GATD1: variants seen among roughly 807,000 people sequenced by gnomAD.
GATD1 encodes the protein glutamine amidotransferase class 1 domain containing 1.
GATD1 carries 23 observed loss-of-function variants against 25.9 expected under a neutral mutation model. The observed-to-expected ratio is 0.89, with a 90% CI of 0.64 to 1.26. The LOEUF (loss-of-function observed/expected upper bound fraction) is 1.26, where lower values mean the gene tolerates loss of function less well. Among genes scored for constraint, GATD1 ranks in the 50% most tolerant of loss-of-function variants. The pLI is 0.00. For synonymous variants in GATD1, 177 were observed against 134.6 expected (o/e 1.31, Z -2.18); for missense variants, 347 against 312.5 (o/e 1.11, Z -0.83).
chr11:775,976 C>CTTTTTTTTTTTTTT lies in GATD1; in HGVS notation c.65-848_65-835dup, dbSNP rs71022972. Among the ~76,000 whole-genome samples the CTTTTTTTTTTTTTT allele has an allele frequency of 3.0e-4, 22 of 72,278 alleles. 3 individuals carry two copies. The highest frequency in any genetic ancestry group is 4.3e-4 in the East Asian group (1 of 2,336). 47.4% of individuals were successfully genotyped at this position (72,278 alleles called of 152,430 possible). ...CCTCAGCTTCATTTTTATCTTCATT[C>CTTTTTTTTTTTTTT]TTTTTTTTTTTTTTTTTTTTTTTTT... On this transcript the variant is annotated intron_variant, in intron 1 of 7. Transcript: ENST00000319863.
Position 769,146 on chromosome 11 carries a change from A to C in GATD1, c.*1751T>G. On this transcript the variant is annotated 3_prime_UTR_variant, in exon 8 of 8. Coordinates refer to ENST00000319863, the MANE Select transcript of GATD1 (RefSeq NM_182612.4). Reference sequence around the variant, plus strand: ...AAGCATTTGTCCACAGAGGTCCATCACCACACGGGGATGAGAGTGGACCCG... The same window carrying C: ...AAGCATTTGTCCACAGAGGTCCATCCCCACACGGGGATGAGAGTGGACCCG... The C allele has an allele frequency of 1.0e-6, 1 of 985,270 alleles. No individual in the cohort carries two copies. Among genetic ancestry groups the C allele is most frequent in the South Asian group, 4.7e-5 (1 of 21,284 alleles). The allele number at this position is 985,270 out of a possible 1,614,324, so 61.0% of individuals were successfully genotyped here.
chr11:771,170 CA>C (rs1204580428), intron 6 of GATD1, 66 bp from the exon 7 acceptor site: 1 of 1,545,934 alleles, frequency 6.5e-7, no homozygotes, highest in East Asian at 2.4e-5. Context: ...CCTCGAACTC[CA>C]GGCGGGCTCC....
intron 4 of GATD1, chr11:772,722 G>A (rs887766315): frequency 6.7e-6 from 4 of 597,248 alleles, no homozygotes; most frequent in Middle Eastern, 4.5e-4. Context: ...GCTCGGGGGA[G>A]CTGGTGCTTC....
chr11:777,230 C>CATCCCG (rs1565022565), intron 1 of GATD1, 169 bp downstream of exon 1: 1 of 266,030 alleles, frequency 3.8e-6, no homozygotes, highest in Non-Finnish European at 6.7e-6. Flanking sequence ...CCCCGAGCTC[C>CATCCCG]ATCCCGACAC....
In GATD1 at chr11:767,315, G is replaced by C; in HGVS notation, c.*3582C>G. ...TCACCCGCCCTCCGCTGCTCTTCTG[G>C]AGGTCTGTCCTCTTGCTTTCCTCCT... On this transcript the variant is annotated 3_prime_UTR_variant, in exon 8 of 8. Coordinates refer to ENST00000319863, the MANE Select transcript of GATD1 (RefSeq NM_182612.4). 7 of 1,536,204 alleles carry C rather than the reference G, an allele frequency of 4.6e-6. No homozygotes were observed. The highest frequency in any genetic ancestry group is 1.2e-5 in the South Asian group (1 of 84,066).
chr11:774,921 G>C (rs2133642666), intron 2 of GATD1, 145 bp downstream of exon 2: 1 of 659,690 alleles, frequency 1.5e-6, no homozygotes. Context: ...ACGCCACCAG[G>C]GTTTGGTTAC....
At position 773,510 on chromosome 11, in the gene GATD1, G is replaced by A; in HGVS notation, c.355+12C>T. 1 of 1,605,242 alleles carries A rather than the reference G, an allele frequency of 6.2e-7. No individual in the cohort carries two copies. The highest frequency in any genetic ancestry group is 1.1e-5 in the South Asian group (1 of 90,422). On this transcript the variant is annotated intron_variant, in intron 4 of 7. Transcript: ENST00000319863. ...CATCCAACCCCTCCCCTGGGTCCCA[G>A]GGGTCACCTACTGCTCTCAGAGTGG...
intron 1 of GATD1, chr11:776,554 T>G (rs934222063): frequency 6.8e-6 from 1 of 148,098 alleles, no homozygotes; most frequent in African/African-American, 2.5e-5. Flanking sequence ...TCTGGGGGCA[T>G]CACTCAGGAC....
chr11:771,763 G>C (rs577739652), intron 5 of GATD1, among the ~76,000 whole-genome samples: 1 of 152,258 alleles, frequency 6.6e-6, no homozygotes, highest in East Asian at 1.9e-4. Flanking sequence ...GGGCAGGAGT[G>C]AATCTAACCA....
chr11:770,423 C>A lies in GATD1; in HGVS notation c.*474G>T. The A allele has an allele frequency of 1.3e-6, 2 of 1,513,562 alleles. No individual in the cohort carries two copies. Among genetic ancestry groups the A allele is most frequent in the African/African-American group, 1.4e-5 (1 of 72,256 alleles). 93.8% of individuals were successfully genotyped at this position (1,513,562 alleles called of 1,614,324 possible). On this transcript the variant is annotated 3_prime_UTR_variant, in exon 8 of 8. Transcript: ENST00000319863. ...CCTAAAAAATTCCGTTCACCTTTGG[C>A]CAAAGTTCTGAGCCAGCTCCCGCCG...
In GATD1 at chr11:767,637, C is replaced by CA; in HGVS notation, c.*3259dup. The CA allele has an allele frequency of 7.6e-7, 1 of 1,314,562 alleles. No individual in the cohort carries two copies. Among genetic ancestry groups the CA allele is most frequent in the Admixed American group, 3.7e-5 (1 of 26,710 alleles). 81.4% of individuals were successfully genotyped at this position (1,314,562 alleles called of 1,614,324 possible). A position where few individuals can be genotyped will look rare whatever the true frequency, so the allele number is the denominator to read the frequency against. ...CTGCTGTGGCCTGAGCACGTCCCCC[C>CA]AAAACCCACCTGCTTAAGTCCTCAC... On this transcript the variant is annotated 3_prime_UTR_variant, in exon 8 of 8. Transcript: ENST00000319863.
At position 777,468 on chromosome 11, in the gene GATD1, G is replaced by T; in HGVS notation, c.-6C>A. The T allele has an allele frequency of 4.1e-6, 5 of 1,233,948 alleles. No individual in the cohort carries two copies. Among genetic ancestry groups the T allele is most frequent in the Non-Finnish European group, 5.1e-6 (5 of 986,360 alleles). The allele number at this position is 1,233,948 out of a possible 1,614,324, so 76.4% of individuals were successfully genotyped here. ...GGGAGCCGCTCGGACGCCATGGCTC[G>T]GGCTCGGCGCTGGGTCTGCGCGTGC... On this transcript the variant is annotated 5_prime_UTR_variant, in exon 1 of 8. Transcript: ENST00000319863.
chr11:771,481 C>T (rs762829461), intron 5 of GATD1, 55 bp from the exon 6 acceptor site: 3 of 1,480,930 alleles, frequency 2.0e-6, no homozygotes, highest in Admixed American at 5.0e-5. Flanking sequence ...CGGCCCACCC[C>T]AGGGGTCAGG....
chr11:768,132 TG>T lies in GATD1; in HGVS notation c.*2764del, dbSNP rs1863161568. ...TCCCAAAGTGCTGGGATTACAGGCG[TG>T]AGCCACCGTGCCCGGCCAGTTTACA... On this transcript the variant is annotated 3_prime_UTR_variant, in exon 8 of 8. Coordinates refer to ENST00000319863, the MANE Select transcript of GATD1 (RefSeq NM_182612.4). 3 of 150,668 alleles carry T rather than the reference TG, an allele frequency of 2.0e-5. No individual in the cohort carries two copies. Among genetic ancestry groups the T allele is most frequent in the Non-Finnish European group, 4.4e-5 (3 of 67,760 alleles). The allele number at this position is 150,668 out of a possible 1,614,324, so 9.3% of individuals were successfully genotyped here. A position where few individuals can be genotyped will look rare whatever the true frequency, so the allele number is the denominator to read the frequency against.
At chr11:777,328 C>G (rs1010160099) in intron 1 of GATD1, 71 bp downstream of exon 1, 3 of 1,172,788 alleles carry the variant, frequency 2.6e-6, no homozygotes, top group African/African-American at 3.2e-5. Context: ...CCACCGTGTC[C>G]CGAACCTCCC....
chr11:775,042 T>C (rs1157930644), intron 2 of GATD1, 24 bp downstream of exon 2: 2 of 1,587,522 alleles, frequency 1.3e-6, no homozygotes, highest in Admixed American at 3.6e-5. Flanking sequence ...AAGTGTCCAG[T>C]GGGGAAGGAG....
intron 4 of GATD1, 112 bp from the exon 5 acceptor site, chr11:772,633 CT>C (rs1863570505): frequency 1.0e-6 from 1 of 955,292 alleles, no homozygotes; most frequent in Non-Finnish European, 1.6e-6. Flanking sequence ...TGCCTGGCCC[CT>C]CCTCCCAGGT....
Position 769,386 on chromosome 11 carries a change from T to A in GATD1, c.*1511A>T. 8 of 786,876 alleles carry A rather than the reference T, an allele frequency of 1.0e-5. No homozygotes were observed. Among genetic ancestry groups the A allele is most frequent in the Non-Finnish European group, 1.2e-5 (8 of 648,880 alleles). 48.7% of individuals were successfully genotyped at this position (786,876 alleles called of 1,614,324 possible). On this transcript the variant is annotated 3_prime_UTR_variant, in exon 8 of 8. Transcript: ENST00000319863. ...CCCAGGTTGGAGTGCAATGGCGCAA[T>A]CTTGGCTCACTGCAACTTCCGCCTC...
intron 1 of GATD1, among the ~76,000 whole-genome samples, chr11:775,493 C>T (rs576073760): frequency 2.0e-5 from 3 of 152,338 alleles, no homozygotes; most frequent in African/African-American, 7.2e-5. Context: ...CTCAACTGTC[C>T]ATGCCACTCC....
Sources: allele counts gnomAD v4.1 joint callset (sites outside exome capture counted in the v4.1 genomes callset), GRCh38; gene constraint gnomAD v4.1.1; transcripts MANE v1.5; gene names NCBI Gene and HGNC (gene_info 2026-07-23, HGNC 2026-07-21).